Variants in SLC13A3 observed in about 807,000 individuals in gnomAD.
SLC13A3 encodes the protein solute carrier family 13 member 3, also known as Na(+)/dicarboxylate cotransporter 3.
SLC13A3 carries 40 observed loss-of-function variants against 59.0 expected under a neutral mutation model. The observed-to-expected ratio is 0.68, with a 90% CI of 0.53 to 0.88. The LOEUF (loss-of-function observed/expected upper bound fraction) is 0.88, where lower values mean the gene tolerates loss of function less well. Among genes scored for constraint, SLC13A3 ranks in the 40% least tolerant of loss-of-function variants. The pLI, the probability that SLC13A3 is intolerant of heterozygous loss-of-function variation, is 0.00. For synonymous variants in SLC13A3, 317 were observed against 330.3 expected, an observed-to-expected ratio of 0.96 and a Z score of 0.44; for missense variants, 699 against 783.2, an observed-to-expected ratio of 0.89 and a Z score of 1.28.
chr20:46,658,527 G>A (rs1481120452), intron 1 of SLC13A3, among the ~76,000 whole-genome samples: 1 of 152,176 alleles, frequency 6.6e-6, no homozygotes. Flanking sequence ...GAACAGAAGT[G>A]CATTGAGGTC....
chr20:46,676,873 G>A (rs1464576226), intron 1 of SLC13A3, among the ~76,000 whole-genome samples: 2 of 152,190 alleles, frequency 1.3e-5, no homozygotes, highest in Admixed American at 6.5e-5. Context: ...CATGGCCTAC[G>A]CCAGGGTGGC....
chr20:46,587,137 CG>C (rs1479140596), intron 8 of SLC13A3, among the ~76,000 whole-genome samples: 3 of 152,146 alleles, frequency 2.0e-5, no homozygotes, highest in African/African-American at 7.2e-5. Context: ...CTATTCTCCT[CG>C]TCTATATTTT....
chr20:46,683,078 C>T (rs1198634973), intron 1 of SLC13A3, among the ~76,000 whole-genome samples: 1 of 152,174 alleles, frequency 6.6e-6, no homozygotes, highest in Non-Finnish European at 1.5e-5. Context: ...TGCCACTCTC[C>T]CTCTTGATAC....
chr20:46,631,512 C>T (rs6124836), intron 1 of SLC13A3, among the ~76,000 whole-genome samples: 1 of 152,178 alleles, frequency 6.6e-6, no homozygotes, highest in East Asian at 1.9e-4. Context: ...GGGAGCAGGG[C>T]TGCCATGTGG....
intron 1 of SLC13A3, among the ~76,000 whole-genome samples, chr20:46,632,358 G>A (rs1002022657): frequency 3.3e-5 from 5 of 152,128 alleles, no homozygotes; most frequent in Middle Eastern, 3.2e-3. Flanking sequence ...GACTGGTGTC[G>A]CTTCCTCACT....
intron 6 of SLC13A3, among the ~76,000 whole-genome samples, chr20:46,589,864 AC>A (rs1386559946): frequency 4.6e-5 from 7 of 152,206 alleles, no homozygotes; most frequent in Non-Finnish European, 1.0e-4. Context: ...TGGATTGAAG[AC>A]CTAAATGTTA....
At position 46,592,558 on chromosome 20, in the gene SLC13A3, C is replaced by T. The variant is rs142538269; in HGVS notation, c.795-29G>A. On this transcript the variant is annotated intron_variant, in intron 5 of 12. Coordinates refer to ENST00000279027, the MANE Select transcript of SLC13A3 (RefSeq NM_022829.6). ...GAGAACAGCGGGAGATGAGAACAGG[C>T]CAAGGGCAGCCATGCCCATTTTGGG... is the stretch of plus-strand genomic sequence containing the variant. The T allele has an allele frequency of 3.7e-6, 6 of 1,611,564 alleles. No homozygotes were observed. In the African/African-American group the frequency reaches 4.0e-5, roughly 11 times the overall value.
At chr20:46,629,725 G>T (rs560208816) in intron 1 of SLC13A3, among the ~76,000 whole-genome samples, 1 of 152,174 alleles carries the variant, frequency 6.6e-6, no homozygotes, top group Non-Finnish European at 1.5e-5. Context: ...CTTCCTGAGT[G>T]CTGTTTTTTC....
chr20:46,568,858 C>T (rs1395045461), intron 10 of SLC13A3, among the ~76,000 whole-genome samples: 10 of 152,256 alleles, frequency 6.6e-5, no homozygotes, highest in Admixed American at 5.9e-4. Context: ...ATCCTCGCAG[C>T]CACACAGGCC....
Position 46,588,131 on chromosome 20 carries a change from C to A in SLC13A3, c.1049G>T (p.Cys350Phe), listed in dbSNP as rs745762361. 2 of 1,612,670 alleles carry A rather than the reference C, an allele frequency of 1.2e-6. No homozygotes were observed. The highest frequency in any genetic ancestry group is 1.1e-5 in the South Asian group (1 of 90,964). Residue 350 changes from cysteine (C) to phenylalanine (F), a missense_variant, in exon 8 of 13, where the codon TGC becomes TTC. Coordinates refer to ENST00000279027, the MANE Select transcript of SLC13A3 (RefSeq NM_022829.6). ...GGTGAAGAGGAGGATGGCAAACATG[C>A]AGAAAAGGATGAAAACAGCCTGTTC... is the stretch of plus-strand genomic sequence containing the variant. ...FAEQAVFILF[C>F]MFAILLFTRD...
chr20:46,657,322 G>A (rs1488241350), intron 1 of SLC13A3, among the ~76,000 whole-genome samples: 4 of 150,792 alleles, frequency 2.7e-5, no homozygotes, highest in South Asian at 2.1e-4. Context: ...ACAGTGAGCC[G>A]AGATCGCACC....
chr20:46,575,550 T>G, intron 10 of SLC13A3, 23 bp downstream of exon 10: 4 of 1,433,896 alleles, frequency 2.8e-6, no homozygotes, highest in Non-Finnish European at 3.8e-6. Context: ...TTCCTGCTGG[T>G]TGGGGGAGCC....
intron 1 of SLC13A3, among the ~76,000 whole-genome samples, chr20:46,627,818 C>T (rs756861020): frequency 2.0e-5 from 3 of 152,118 alleles, no homozygotes; most frequent in Non-Finnish European, 2.9e-5. Context: ...TAGGGATCAC[C>T]GGACTCTGTA....
upstream of SLC13A3, among the ~76,000 whole-genome samples, chr20:46,655,825 T>C (rs1487791082): frequency 7.0e-6 from 1 of 142,342 alleles, no homozygotes; most frequent in East Asian, 2.0e-4. Flanking sequence ...ATACTATATA[T>C]ACTATACAGT....
Position 46,587,150 on chromosome 20 carries a change from G to A in SLC13A3, c.1121+909C>T, listed in dbSNP as rs867250207. Among the ~76,000 whole-genome samples the A allele has an allele frequency of 3.9e-5, 6 of 152,080 alleles. No homozygotes were observed. In the Middle Eastern group the frequency reaches 0.017, roughly 431 times the overall value. On this transcript the variant is annotated intron_variant, in intron 8 of 12. Transcript: ENST00000279027. ...AACTATTCTCCTCGTCTATATTTTT[G>A]CCCCCACTACCCATTTCCTAATGAA...
At chr20:46,595,267 A>G (rs1170159469) in intron 5 of SLC13A3, among the ~76,000 whole-genome samples, 1 of 152,276 alleles carries the variant, frequency 6.6e-6, no homozygotes, top group East Asian at 1.9e-4. Flanking sequence ...CCAGAGGTTT[A>G]GAATAATGGG....
At chr20:46,666,524 G>A (rs921740042) in intron 1 of SLC13A3, among the ~76,000 whole-genome samples, 1 of 150,892 alleles carries the variant, frequency 6.6e-6, no homozygotes, top group Non-Finnish European at 1.5e-5. Flanking sequence ...GTTGCTTTGA[G>A]ACAGGGTCTC....
chr20:46,575,555 G>T lies in SLC13A3; in HGVS notation c.1332+18C>A, dbSNP rs1442632912. On this transcript the variant is annotated intron_variant, in intron 10 of 12. Transcript: ENST00000279027. ...CCTCCCACTGTTCCTGCTGGTTGGG[G>T]GAGCCAGGGGGTCTTACCTCACAGC... The T allele has an allele frequency of 1.3e-6, 2 of 1,491,020 alleles. No individual in the cohort carries two copies. The highest frequency in any genetic ancestry group is 1.8e-6 in the Non-Finnish European group (2 of 1,090,502). The allele number at this position is 1,491,020 out of a possible 1,614,324, so 92.4% of individuals were successfully genotyped here. A position where few individuals can be genotyped will look rare whatever the true frequency, so the allele number is the denominator to read the frequency against.
chr20:46,593,629 C>T (rs1186066087), intron 5 of SLC13A3, among the ~76,000 whole-genome samples: 1 of 151,920 alleles, frequency 6.6e-6, no homozygotes, highest in African/African-American at 2.4e-5. Flanking sequence ...AAAATATCAG[C>T]AAGTGTGTGG....
Sources: gnomAD v4.1 joint callset for allele counts (sites outside exome capture counted in the v4.1 genomes callset) on GRCh38, gnomAD v4.1.1 for gene constraint, MANE v1.5 for transcripts, NCBI Gene and HGNC (gene_info 2026-07-23, HGNC 2026-07-21) for gene names.